Variants in ZDHHC20 observed in about 807,000 individuals in gnomAD.
The protein encoded by ZDHHC20 is zDHHC palmitoyltransferase 20.
Under a neutral mutation model 57.8 loss-of-function variants are expected in ZDHHC20, and 43 were observed. The observed-to-expected ratio is 0.74, with a 90% CI of 0.58 to 0.96. ZDHHC20 has a LOEUF of 0.96. Among genes scored for constraint, ZDHHC20 ranks in the 40% least tolerant of loss-of-function variants. ZDHHC20 has a pLI of 0.00. For synonymous variants in ZDHHC20, 157 were observed against 153.0 expected, an observed-to-expected ratio of 1.03 and a Z score of -0.19; for missense variants, 391 against 441.1, an observed-to-expected ratio of 0.89 and a Z score of 1.02.
chr13:21,459,135 C>G lies in ZDHHC20; in HGVS notation c.37G>C (p.Val13Leu), dbSNP rs954032846. Residue 13 changes from valine to leucine, a missense_variant, in exon 1 of 13, where the codon GTC becomes CTC. Val to Leu is a conservative substitution (Grantham distance 32). Coordinates refer to ENST00000400590, the MANE Select transcript of ZDHHC20 (RefSeq NM_001330059.2). ...PWTLWRCCQRVVGWVPVLFIT... is the reference protein window; with the variant it reads ...PWTLWRCCQRLVGWVPVLFIT... ...AAGAGCACCGGCACCCAGCCCACGA[C>G]GCGCTGGCAGCAGCGCCACAGCGTC... 1 of 1,605,646 alleles carries G rather than the reference C, an allele frequency of 6.2e-7. No individual in the cohort carries two copies. Among genetic ancestry groups the G allele is most frequent in the African/African-American group, 1.4e-5 (1 of 73,860 alleles).
chr13:21,447,263 T>C (rs1007626859), intron 1 of ZDHHC20, among the ~76,000 whole-genome samples: 31 of 148,262 alleles, frequency 2.1e-4, no homozygotes, highest in African/African-American at 6.5e-4. Flanking sequence ...TTTGGACAGA[T>C]AGAAGATGTG....
chr13:21,420,679 ACTTT>A (rs1448380441), intron 3 of ZDHHC20, among the ~76,000 whole-genome samples: 4 of 152,232 alleles, frequency 2.6e-5, no homozygotes, highest in East Asian at 1.9e-4. Context: ...CCATCACAAA[ACTTT>A]CTTTAATTGC....
At chr13:21,454,037 G>A (rs921011298) in intron 1 of ZDHHC20, among the ~76,000 whole-genome samples, 2 of 151,898 alleles carry the variant, frequency 1.3e-5, no homozygotes, top group African/African-American at 4.8e-5. Context: ...TTGTAGAGAT[G>A]GAGTTTTGGC....
chr13:21,441,506 C>T (rs547698330), intron 1 of ZDHHC20, among the ~76,000 whole-genome samples: 21 of 149,850 alleles, frequency 1.4e-4, no homozygotes, highest in Non-Finnish European at 2.8e-4. Flanking sequence ...TTGACTCAGC[C>T]TCCCAAGTAG....
At chr13:21,381,260 C>CA (rs1873355969) in intron 11 of ZDHHC20, among the ~76,000 whole-genome samples, 174 bp downstream of exon 11, 1 of 152,102 alleles carries the variant, frequency 6.6e-6, no homozygotes, top group Non-Finnish European at 1.5e-5. Context: ...CCCGCCTCGG[C>CA]ATCCCAAAGT....
intron 7 of ZDHHC20, among the ~76,000 whole-genome samples, chr13:21,392,219 A>C (rs944769546): frequency 6.6e-6 from 1 of 151,978 alleles, no homozygotes; most frequent in African/African-American, 2.4e-5. Flanking sequence ...TCATAAAAAA[A>C]AAAAAAAAAC....
Position 21,459,256 on chromosome 13 carries a change from C to T in ZDHHC20, c.-85G>A. 4 of 1,081,374 alleles carry T rather than the reference C, an allele frequency of 3.7e-6. No homozygotes were observed. Among genetic ancestry groups the T allele is most frequent in the Non-Finnish European group, 5.2e-6 (4 of 770,568 alleles). 67.0% of individuals were successfully genotyped at this position (1,081,374 alleles called of 1,614,324 possible). A position where few individuals can be genotyped will look rare whatever the true frequency, so the allele number is the denominator to read the frequency against. On this transcript the variant is annotated 5_prime_UTR_variant, in exon 1 of 13. Coordinates refer to ENST00000400590, the MANE Select transcript of ZDHHC20 (RefSeq NM_001330059.2). ...GCGACGGTGACTCGGACGCTCCAGGCGGCTGCTGGTCCAGCTCCCCCGCCT... is the reference window on the plus strand; with the variant it reads ...GCGACGGTGACTCGGACGCTCCAGGTGGCTGCTGGTCCAGCTCCCCCGCCT...
At chr13:21,432,583 C>T (rs914581202) in intron 1 of ZDHHC20, among the ~76,000 whole-genome samples, 3 of 152,114 alleles carry the variant, frequency 2.0e-5, no homozygotes, top group African/African-American at 4.8e-5. Flanking sequence ...CCACCTGCCT[C>T]GGCCTCCCAA....
chr13:21,404,487 AC>A, intron 4 of ZDHHC20: 1 of 402,510 alleles, frequency 2.5e-6, no homozygotes, highest in South Asian at 1.8e-5. Context: ...AGTGGCTCAC[AC>A]CTGTAATCCC....
rs566448741 is a variant in ZDHHC20 at position 21,400,346 on chromosome 13, T to C, written c.594+27A>G. On this transcript the variant is annotated intron_variant, in intron 7 of 12. Coordinates refer to ENST00000400590, the MANE Select transcript of ZDHHC20 (RefSeq NM_001330059.2). ...ATAGCATCTTAAAGTCTTAAATACA[T>C]GTTTCAAGATAGAAAAAAAGACTTA... The C allele has an allele frequency of 1.3e-5, 20 of 1,556,578 alleles. No homozygotes were observed. In the East Asian group the frequency reaches 4.3e-4, roughly 34 times the overall value.
rs1872008166 is a variant in ZDHHC20, at chr13:21,375,949, T to C, written c.*747A>G. 6.6e-6 allele frequency: 1 copy of C among 152,150 alleles called. No individual in the cohort carries two copies. 9.4% of individuals were successfully genotyped at this position (152,150 alleles called of 1,614,324 possible). On this transcript the variant is annotated 3_prime_UTR_variant, in exon 13 of 13. Coordinates refer to ENST00000400590, the MANE Select transcript of ZDHHC20 (RefSeq NM_001330059.2). ...AAGTTCAACAAAAAAAGCTATAAAA[T>C]AGCAGAGAGAACCCAAAATATTTCT...
At chr13:21,447,389 C>G (rs977148858) in intron 1 of ZDHHC20, among the ~76,000 whole-genome samples, 5 of 150,312 alleles carry the variant, frequency 3.3e-5, no homozygotes, top group Non-Finnish European at 7.4e-5. Flanking sequence ...CTGCAACCTC[C>G]CTGCCTGATT....
Position 21,459,189 on chromosome 13 carries a change from C to T in ZDHHC20, c.-18G>A, listed in dbSNP as rs768720432. On this transcript the variant is annotated 5_prime_UTR_variant, in exon 1 of 13. Transcript: ENST00000400590. ...GGCGCCATGTTCCGCTGGCGGCTGCCGAGCCCCGCGTCCCACCGTTCTGGG... is the reference window on the plus strand; with the variant it reads ...GGCGCCATGTTCCGCTGGCGGCTGCTGAGCCCCGCGTCCCACCGTTCTGGG... 4.4e-6 allele frequency: 7 copies of T among 1,585,000 alleles called. No individual in the cohort carries two copies. In the African/African-American group the frequency reaches 8.3e-5, roughly 19 times the overall value.
At chr13:21,419,159 ATG>A (rs1166307000) in intron 3 of ZDHHC20, among the ~76,000 whole-genome samples, 1 of 152,256 alleles carries the variant, frequency 6.6e-6, no homozygotes, top group Non-Finnish European at 1.5e-5. Context: ...AGATTAAGAA[ATG>A]GATAGTTTGT....
chr13:21,415,326 GTTACTCTAACCTGAC>G (rs1236818391), intron 3 of ZDHHC20, among the ~76,000 whole-genome samples: 1 of 152,070 alleles, frequency 6.6e-6, no homozygotes, highest in Non-Finnish European at 1.5e-5. Flanking sequence ...TTTATAGATA[GTTACTCTAACCTGAC>G]TAAAACACCA....
intron 11 of ZDHHC20, among the ~76,000 whole-genome samples, chr13:21,379,960 C>T (rs903832317): frequency 3.9e-4 from 59 of 151,492 alleles, no homozygotes; most frequent in Non-Finnish European, 4.6e-4. Context: ...GGACTACAGG[C>T]GCCCACCACC....
chr13:21,419,188 T>G (rs1880360136), intron 3 of ZDHHC20, among the ~76,000 whole-genome samples: 1 of 152,214 alleles, frequency 6.6e-6, no homozygotes, highest in Non-Finnish European at 1.5e-5. Flanking sequence ...ACTTTAAGGG[T>G]TGACTAATTA....
At chr13:21,420,763 C>T (rs1037695354) in intron 3 of ZDHHC20, among the ~76,000 whole-genome samples, 12 of 152,326 alleles carry the variant, frequency 7.9e-5, no homozygotes, top group South Asian at 2.1e-4. Flanking sequence ...ACTTTCCTAA[C>T]GCAATTCTGT....
chr13:21,413,001 AAAC>A (rs1015519999), intron 4 of ZDHHC20, among the ~76,000 whole-genome samples: 6 of 150,616 alleles, frequency 4.0e-5, no homozygotes, highest in Non-Finnish European at 5.9e-5. Context: ...ACAATTTCCC[AAAC>A]AACAAAAAAA....
Sources: gnomAD v4.1 joint callset for allele counts (sites outside exome capture counted in the v4.1 genomes callset) on GRCh38, gnomAD v4.1.1 for gene constraint, MANE v1.5 for transcripts, NCBI Gene and HGNC (gene_info 2026-07-23, HGNC 2026-07-21) for gene names.